SGK3: variants seen among roughly 807,000 people sequenced by gnomAD.
The protein encoded by SGK3 is serine/threonine-protein kinase Sgk3.
A neutral mutation model predicts 68.5 loss-of-function variants in SGK3; 47 were observed. The observed-to-expected ratio is 0.69, with a 90% CI of 0.54 to 0.87. SGK3 has a LOEUF of 0.87. Ranked by LOEUF, SGK3 falls within the 40% of genes least tolerant of loss-of-function variation. The pLI is 0.00. For synonymous variants in SGK3, 181 were observed against 189.1 expected, an observed-to-expected ratio of 0.96 and a Z score of 0.35; for missense variants, 479 against 575.5, an observed-to-expected ratio of 0.83 and a Z score of 1.72.
intron 1 of SGK3, among the ~76,000 whole-genome samples, chr8:66,730,251 G>C (rs1222430271): frequency 2.6e-5 from 4 of 152,070 alleles, no homozygotes; most frequent in Non-Finnish European, 2.9e-5. Flanking sequence ...GGCCAACTGT[G>C]TATCTTCTCT....
intron 14 of SGK3, 128 bp downstream of exon 14, chr8:66,843,675 T>G (rs1809886305): frequency 3.1e-6 from 3 of 972,320 alleles, no homozygotes; most frequent in Non-Finnish European, 4.4e-6. Flanking sequence ...TCTGGTTAAA[T>G]GAACCCAAAC....
chr8:66,836,669 T>C (rs1307122151), intron 10 of SGK3, among the ~76,000 whole-genome samples: 1 of 151,986 alleles, frequency 6.6e-6, no homozygotes, highest in African/African-American at 2.4e-5. Context: ...ATAAAGTCTG[T>C]TTTGGAAATG....
intron 1 of SGK3, among the ~76,000 whole-genome samples, chr8:66,729,366 G>A (rs74801370): frequency 0.13 from 19,850 of 151,780 alleles, 2,470 homozygotes; most frequent in African/African-American, 0.33. Flanking sequence ...TGAGGCACGA[G>A]AATGGCGTGA....
intron 1 of SGK3, among the ~76,000 whole-genome samples, chr8:66,738,403 T>C (rs1180723212): frequency 6.6e-6 from 1 of 152,240 alleles, no homozygotes; most frequent in Non-Finnish European, 1.5e-5. Flanking sequence ...TTGTCATTCC[T>C]ATGCATAAAT....
chr8:66,719,919 C>T (rs1302703938), intron 1 of SGK3, among the ~76,000 whole-genome samples: 1 of 152,174 alleles, frequency 6.6e-6, no homozygotes, highest in East Asian at 1.9e-4. Flanking sequence ...TGTGCATGTG[C>T]ATATCTTCAA....
At chr8:66,725,289 T>A (rs1804951174) in intron 1 of SGK3, among the ~76,000 whole-genome samples, 1 of 151,762 alleles carries the variant, frequency 6.6e-6, no homozygotes, top group African/African-American at 2.4e-5. Context: ...TAATCCCAGC[T>A]ACTTGGGAGG....
chr8:66,804,695 G>A (rs1448937365), intron 4 of SGK3, among the ~76,000 whole-genome samples: 1 of 152,152 alleles, frequency 6.6e-6, no homozygotes, highest in Non-Finnish European at 1.5e-5. Flanking sequence ...TATAGATAAG[G>A]AAATAAAACA....
At chr8:66,805,181 A>T (rs1478811854) in intron 4 of SGK3, among the ~76,000 whole-genome samples, 1 of 152,124 alleles carries the variant, frequency 6.6e-6, no homozygotes, top group Admixed American at 6.6e-5. Flanking sequence ...CATTAAATAT[A>T]TACTGTGTAC....
chr8:66,765,021 T>C (rs1488654041), intron 1 of SGK3, among the ~76,000 whole-genome samples: 1 of 152,204 alleles, frequency 6.6e-6, no homozygotes, highest in African/African-American at 2.4e-5. Context: ...TGAACAAACA[T>C]GTGCAAGTAA....
rs112029105 is a variant in SGK3, at chr8:66,772,399, C to CTT, written c.-121-21205_-121-21204dup. On this transcript the variant is annotated intron_variant, in intron 1 of 16. Transcript: ENST00000521198. ...CACTGTGCCCAGCAAGATAAATATTCTTTTTTTTTTTTTGAGGCAGGGTCT... is the reference window on the plus strand; with the variant it reads ...CACTGTGCCCAGCAAGATAAATATTCTTTTTTTTTTTTTTTGAGGCAGGGTCT... Among the ~76,000 whole-genome samples the CTT allele has an allele frequency of 1.1e-4, 16 of 141,090 alleles. No homozygotes were observed. In the East Asian group the frequency reaches 3.2e-3, roughly 28 times the overall value. The allele number at this position is 141,090 out of a possible 152,430, so 92.6% of individuals were successfully genotyped here. A position where few individuals can be genotyped will look rare whatever the true frequency, so the allele number is the denominator to read the frequency against.
chr8:66,852,512 C>A (rs1810336357), intron 16 of SGK3, among the ~76,000 whole-genome samples: 1 of 152,006 alleles, frequency 6.6e-6, no homozygotes, highest in Non-Finnish European at 1.5e-5. Flanking sequence ...ATCTTTTGAC[C>A]TCATGATCCA....
intron 1 of SGK3, among the ~76,000 whole-genome samples, chr8:66,718,984 G>C (rs1174732427): frequency 6.6e-6 from 1 of 152,030 alleles, no homozygotes; most frequent in Non-Finnish European, 1.5e-5. Flanking sequence ...GGCTGAGGTG[G>C]GAGGATTGCT....
chr8:66,842,454 T>C (rs964643287), intron 13 of SGK3, among the ~76,000 whole-genome samples: 15 of 152,106 alleles, frequency 9.9e-5, no homozygotes, highest in Non-Finnish European at 1.5e-5. Context: ...TCTCCTGACC[T>C]TGTGATCCAC....
At chr8:66,713,943 G>T (rs1263337382) in intron 1 of SGK3, among the ~76,000 whole-genome samples, 1 of 152,150 alleles carries the variant, frequency 6.6e-6, no homozygotes, top group Non-Finnish European at 1.5e-5. Context: ...AGGGAGCCTG[G>T]AGCTCCTGGG....
At chr8:66,847,708 A>G (rs547021406) in intron 15 of SGK3, among the ~76,000 whole-genome samples, 2 of 152,184 alleles carry the variant, frequency 1.3e-5, no homozygotes, top group African/African-American at 4.8e-5. Flanking sequence ...TAATACTAAC[A>G]TTTTCATGAA....
chr8:66,803,844 G>A (rs1808050461), intron 3 of SGK3, among the ~76,000 whole-genome samples: 1 of 151,516 alleles, frequency 6.6e-6, no homozygotes, highest in South Asian at 2.1e-4. Flanking sequence ...TTATTTTTTA[G>A]AGACGAAGTT....
chr8:66,787,820 T>C (rs549781783), intron 1 of SGK3, among the ~76,000 whole-genome samples: 5 of 152,314 alleles, frequency 3.3e-5, no homozygotes, highest in Admixed American at 2.6e-4. Flanking sequence ...AAAAAATATA[T>C]AATTTTCCAA....
At chr8:66,805,853 A>G (rs1808136821) in intron 4 of SGK3, among the ~76,000 whole-genome samples, 1 of 152,204 alleles carries the variant, frequency 6.6e-6, no homozygotes. Flanking sequence ...AAAGAAAGAG[A>G]GAGATCTTGG....
At chr8:66,778,690 T>C (rs1319950195) in intron 1 of SGK3, among the ~76,000 whole-genome samples, 1 of 152,188 alleles carries the variant, frequency 6.6e-6, no homozygotes, top group Non-Finnish European at 1.5e-5. Context: ...TTCTACAGTA[T>C]AGACAAATGA....
Sources: gnomAD v4.1 joint callset for allele counts (sites outside exome capture counted in the v4.1 genomes callset) on GRCh38, gnomAD v4.1.1 for gene constraint, MANE v1.5 for transcripts, NCBI Gene and HGNC (gene_info 2026-07-23, HGNC 2026-07-21) for gene names.